GALNT13: variants seen among roughly 807,000 people sequenced by gnomAD.
GALNT13 encodes polypeptide N-acetylgalactosaminyltransferase 13, also known as UDP-GalNAc:polypeptide N-acetylgalactosaminyltransferase 13.
A neutral mutation model predicts 64.2 loss-of-function variants in GALNT13; 28 were observed. That is an observed-to-expected ratio of 0.44 (90% CI 0.32 to 0.60). The LOEUF (loss-of-function observed/expected upper bound fraction) is 0.60, where lower values mean the gene tolerates loss of function less well. Among genes scored for constraint, GALNT13 ranks in the 20% least tolerant of loss-of-function variants. The pLI is 0.05. For synonymous variants in GALNT13, 214 were observed against 224.6 expected (o/e 0.95, Z 0.42); for missense variants, 577 against 669.8 (o/e 0.86, Z 1.53).
chr2:154,258,012 A>C (rs1212248603), intron 7 of GALNT13, among the ~76,000 whole-genome samples: 2 of 152,150 alleles, frequency 1.3e-5, no homozygotes, highest in Non-Finnish European at 2.9e-5. Flanking sequence ...GTGGAAATTA[A>C]ACATGCCCAT....
At chr2:153,439,895 C>T in the GALNT13 span, among the ~76,000 whole-genome samples, 752 of 152,294 alleles carry the variant, frequency 4.9e-3, 7 homozygotes, top group African/African-American at 0.017. Context: ...AGAAATCACC[C>T]GTTTTCTGTG....
intron 3 of GALNT13, among the ~76,000 whole-genome samples, chr2:154,059,927 G>T (rs1700085612): frequency 6.6e-6 from 1 of 152,074 alleles, no homozygotes; most frequent in African/African-American, 2.4e-5. Flanking sequence ...GGTAGGGACT[G>T]AATTTTTGTG....
At chr2:154,266,285 C>A (rs1690995213) in intron 8 of GALNT13, among the ~76,000 whole-genome samples, 2 of 151,936 alleles carry the variant, frequency 1.3e-5, no homozygotes, top group South Asian at 4.1e-4. Context: ...GCAACAAGGT[C>A]GGAAGAATAA....
the GALNT13 span, among the ~76,000 whole-genome samples, chr2:153,668,915 C>G: frequency 1.3e-5 from 2 of 152,158 alleles, no homozygotes; most frequent in African/African-American, 4.8e-5. Flanking sequence ...ACCTTGTTCC[C>G]CTACAAGACT....
chr2:153,433,486 G>C, the GALNT13 span, among the ~76,000 whole-genome samples: 46 of 152,028 alleles, frequency 3.0e-4, no homozygotes, highest in African/African-American at 1.1e-3. Flanking sequence ...CGTTAACTTT[G>C]TTTTCTTTTC....
chr2:153,509,065 A>T, the GALNT13 span, among the ~76,000 whole-genome samples: 1 of 152,142 alleles, frequency 6.6e-6, no homozygotes, highest in Non-Finnish European at 1.5e-5. Flanking sequence ...GATGCATCCG[A>T]GGGAAGTGTC....
At chr2:154,445,304 C>T (rs2105491899) in intron 12 of GALNT13, among the ~76,000 whole-genome samples, 1 of 151,428 alleles carries the variant, frequency 6.6e-6, no homozygotes, top group African/African-American at 2.4e-5. Context: ...GGTCATGTTT[C>T]CAGAGGATAA....
chr2:154,394,917 G>T (rs989182837), intron 9 of GALNT13, among the ~76,000 whole-genome samples: 29 of 152,180 alleles, frequency 1.9e-4, no homozygotes, highest in Non-Finnish European at 4.1e-4. Context: ...AGACAAGAAG[G>T]TCGGAGCTAG....
At chr2:153,863,787 A>C in the GALNT13 span, among the ~76,000 whole-genome samples, 1 of 152,186 alleles carries the variant, frequency 6.6e-6, no homozygotes, top group South Asian at 2.1e-4. Context: ...TATTGTACTC[A>C]GTCCCGTGAA....
the GALNT13 span, among the ~76,000 whole-genome samples, chr2:153,688,887 T>C: frequency 2.0e-5 from 3 of 151,972 alleles, no homozygotes; most frequent in East Asian, 5.8e-4. Context: ...GTTATCAATA[T>C]TATTGTTGTT....
chr2:154,184,959 G>A (rs1686172467), intron 4 of GALNT13, among the ~76,000 whole-genome samples: 1 of 151,944 alleles, frequency 6.6e-6, no homozygotes, highest in African/African-American at 2.4e-5. Context: ...TGAGTTTTAT[G>A]CCTGCATATG....
At chr2:154,415,496 C>T (rs1699971830) in intron 11 of GALNT13, among the ~76,000 whole-genome samples, 1 of 152,038 alleles carries the variant, frequency 6.6e-6, no homozygotes, top group African/African-American at 2.4e-5. Flanking sequence ...TGATTCAGAG[C>T]TATTTTTCAA....
the GALNT13 span, among the ~76,000 whole-genome samples, chr2:153,616,564 G>T: frequency 5.3e-5 from 8 of 151,838 alleles, no homozygotes; most frequent in Admixed American, 2.0e-4. Flanking sequence ...CATGAACAAG[G>T]AATATTTTCC....
At chr2:153,489,465 C>T in the GALNT13 span, among the ~76,000 whole-genome samples, 1 of 152,174 alleles carries the variant, frequency 6.6e-6, no homozygotes, top group African/African-American at 2.4e-5. Flanking sequence ...CCCTGTAGTA[C>T]AAAGATTGTT....
At position 154,396,115 on chromosome 2, in the gene GALNT13, T is replaced by C; in HGVS notation, c.1281T>C (p.Tyr427=). 1 of 1,603,740 alleles carries C rather than the reference T, an allele frequency of 6.2e-7. No individual in the cohort carries two copies. Among genetic ancestry groups the C allele is most frequent in the Non-Finnish European group, 8.5e-7 (1 of 1,175,572 alleles). The change falls in exon 10 of 13, where the codon TAT becomes TAC. Residue 427 remains tyrosine (Y), a synonymous_variant. Coordinates refer to ENST00000392825, the MANE Select transcript of GALNT13 (RefSeq NM_052917.4). ...IYPDSQIPRR[Y]YSLGEIRNVE... ...CGGACTCCCAGATCCCAAGACGTTA[T>C]TACTCACTTGGTGAGGTATGAATTA...
intron 4 of GALNT13, among the ~76,000 whole-genome samples, chr2:154,221,900 CA>C (rs1688345930): frequency 6.6e-6 from 1 of 152,022 alleles, no homozygotes; most frequent in African/African-American, 2.4e-5. Flanking sequence ...CCCAAGACAC[CA>C]CACCACTGTA....
At chr2:153,271,811 C>T in the GALNT13 span, among the ~76,000 whole-genome samples, 5 of 152,166 alleles carry the variant, frequency 3.3e-5, no homozygotes, top group Non-Finnish European at 7.3e-5. Flanking sequence ...ATAGCCAAGA[C>T]AATCCTAAGC....
chr2:153,214,233 G>A, the GALNT13 span, among the ~76,000 whole-genome samples: 2 of 152,138 alleles, frequency 1.3e-5, no homozygotes, highest in Non-Finnish European at 2.9e-5. Flanking sequence ...AATTTCCTCA[G>A]CAATGGTAGA....
chr2:154,167,858 T>C (rs1685123374), intron 4 of GALNT13, among the ~76,000 whole-genome samples: 1 of 152,174 alleles, frequency 6.6e-6, no homozygotes, highest in Non-Finnish European at 1.5e-5. Context: ...TGGTATGGCA[T>C]GTCAGAACCT....
Sources: allele counts gnomAD v4.1 joint callset (sites outside exome capture counted in the v4.1 genomes callset), GRCh38; gene constraint gnomAD v4.1.1; transcripts MANE v1.5; gene names NCBI Gene and HGNC (gene_info 2026-07-23, HGNC 2026-07-21).